The following C1orf198 variants were observed in gnomAD, a reference collection of about 807,000 sequenced individuals.
C1orf198 encodes the protein uncharacterized protein C1orf198.
C1orf198 carries 17 observed loss-of-function variants against 31.4 expected under a neutral mutation model. That is an observed-to-expected ratio of 0.54 (90% CI 0.37 to 0.81). The LOEUF is 0.81. Ranked by LOEUF, C1orf198 falls within the 40% of genes least tolerant of loss-of-function variation. C1orf198 has a pLI of 0.00. For synonymous variants in C1orf198, 175 were observed against 193.8 expected (o/e 0.90, Z 0.81); for missense variants, 401 against 450.3 (o/e 0.89, Z 0.99).
intron 2 of C1orf198, among the ~76,000 whole-genome samples, chr1:230,853,179 T>C (rs1307499068): frequency 1.3e-5 from 2 of 152,144 alleles, no homozygotes; most frequent in African/African-American, 4.8e-5. Flanking sequence ...GCTCCGATCA[T>C]TGACCCACAC....
chr1:230,865,835 C>T (rs1179767055), intron 1 of C1orf198, among the ~76,000 whole-genome samples: 2 of 152,194 alleles, frequency 1.3e-5, no homozygotes, highest in Non-Finnish European at 2.9e-5. Context: ...CATTTGGAGG[C>T]TGTATTTGCA....
chr1:230,859,884 C>T, intron 1 of C1orf198, among the ~76,000 whole-genome samples: 1 of 152,138 alleles, frequency 6.6e-6, no homozygotes, highest in East Asian at 1.9e-4. Flanking sequence ...TACATGTTTG[C>T]ATCATATCGC....
chr1:230,851,715 C>T (rs1314094224), intron 2 of C1orf198, among the ~76,000 whole-genome samples: 2 of 152,182 alleles, frequency 1.3e-5, no homozygotes, highest in African/African-American at 4.8e-5. Context: ...ACAGAGGCAC[C>T]ACAGCCACGA....
chr1:230,847,659 T>TTTCTGAG (rs1266296058), intron 2 of C1orf198, among the ~76,000 whole-genome samples: 20 of 152,246 alleles, frequency 1.3e-4, no homozygotes, highest in African/African-American at 4.6e-4. Context: ...TAAAGGACTG[T>TTTCTGAG]TTCTGAGTGG....
In C1orf198 at chr1:230,840,054, G is replaced by A. The variant is rs1558134540; in HGVS notation, c.928-146C>T. 2 of 651,408 alleles carry A rather than the reference G, an allele frequency of 3.1e-6. No homozygotes were observed. The highest frequency in any genetic ancestry group is 2.1e-5 in the South Asian group (1 of 48,300). The allele number at this position is 651,408 out of a possible 1,614,324, so 40.4% of individuals were successfully genotyped here. A position where few individuals can be genotyped will look rare whatever the true frequency, so the allele number is the denominator to read the frequency against. ...TTCCCTGACCTCAATTTATCTCAGT[G>A]CTTGAAATCAGAAGATTAAATACAG... On this transcript the variant is annotated intron_variant, in intron 3 of 3. Coordinates refer to ENST00000366663, the MANE Select transcript of C1orf198 (RefSeq NM_032800.3). This position sits in a 1 kb window ranked among gnomAD's most constrained non-coding sequence, Gnocchi z 4.0.
At position 230,838,036 on chromosome 1, in the gene C1orf198, A is replaced by C. The variant is rs1299277626; in HGVS notation, c.*1816T>G. 6.6e-6 allele frequency: 1 copy of C among 152,206 alleles called. No homozygotes were observed. Among genetic ancestry groups the C allele is most frequent in the Non-Finnish European group, 1.5e-5 (1 of 68,048 alleles). 9.4% of individuals were successfully genotyped at this position (152,206 alleles called of 1,614,324 possible). On this transcript the variant is annotated 3_prime_UTR_variant, in exon 4 of 4. Coordinates refer to ENST00000366663, the MANE Select transcript of C1orf198 (RefSeq NM_032800.3). The surrounding 1 kb of genome is among the most constrained non-coding windows in gnomAD (Gnocchi z 4.2). ...ACAGAATACAAACTCATACATATAC[A>C]TTTGCTACCATAGGTTCTACAACAG... is the stretch of plus-strand genomic sequence containing the variant.
In C1orf198 at chr1:230,839,348, GCT is replaced by G. The variant is rs1301589645; in HGVS notation, c.*502_*503del. On this transcript the variant is annotated 3_prime_UTR_variant, in exon 4 of 4. Coordinates refer to ENST00000366663, the MANE Select transcript of C1orf198 (RefSeq NM_032800.3). The stretch of plus-strand genomic sequence containing the variant: ...AGAGAAGCCCCGGACAGCTGCGAGC[GCT>G]GGCTGAGAACGTCGCTGGGGGCCAG... The G allele has an allele frequency of 6.2e-6, 1 of 162,402 alleles. No individual in the cohort carries two copies. Among genetic ancestry groups the G allele is most frequent in the African/African-American group, 2.4e-5 (1 of 41,486 alleles). The allele number at this position is 162,402 out of a possible 1,614,324, so 10.1% of individuals were successfully genotyped here. A position where few individuals can be genotyped will look rare whatever the true frequency, so the allele number is the denominator to read the frequency against.
chr1:230,863,791 C>G (rs1009602182), intron 1 of C1orf198, among the ~76,000 whole-genome samples: 2 of 152,210 alleles, frequency 1.3e-5, no homozygotes, highest in Non-Finnish European at 2.9e-5. Flanking sequence ...CATCTCAACT[C>G]CTGCCCAGGG....
At chr1:230,845,160 T>C (rs574809614) in intron 2 of C1orf198, among the ~76,000 whole-genome samples, 5 of 150,772 alleles carry the variant, frequency 3.3e-5, no homozygotes, top group African/African-American at 1.2e-4. Context: ...TGAGCCCAGT[T>C]TGAGACCAGC....
Position 230,843,239 on chromosome 1 carries a change from G to T in C1orf198, c.927+115C>A. The T allele has an allele frequency of 8.2e-7, 1 of 1,214,996 alleles. No individual in the cohort carries two copies. The allele number at this position is 1,214,996 out of a possible 1,614,324, so 75.3% of individuals were successfully genotyped here. Reference sequence around the variant, plus strand: ...ATCCTCTGAGGAAGAGGCAGGGGAAGGAGAAGAAAAAGAGCATGGGCACCT... The same window carrying T: ...ATCCTCTGAGGAAGAGGCAGGGGAATGAGAAGAAAAAGAGCATGGGCACCT... On this transcript the variant is annotated intron_variant, in intron 3 of 3. Coordinates refer to ENST00000366663, the MANE Select transcript of C1orf198 (RefSeq NM_032800.3). The surrounding 1 kb of genome is among the most constrained non-coding windows in gnomAD (Gnocchi z 4.9).
chr1:230,850,204 C>T (rs539147335), intron 2 of C1orf198, among the ~76,000 whole-genome samples: 17 of 152,346 alleles, frequency 1.1e-4, no homozygotes, highest in African/African-American at 1.7e-4. Flanking sequence ...TGCTTCCTAA[C>T]GGTAACAGGG....
rs762949137 is a variant in C1orf198, at chr1:230,843,541, G to C, written c.740C>G (p.Thr247Ser). Residue 247 changes from threonine to serine, a missense_variant, in exon 3 of 4, where the codon ACC becomes AGC. Transcript: ENST00000366663. The surrounding 1 kb of genome is among the most constrained non-coding windows in gnomAD (Gnocchi z 4.9). ...DREAKVERPS[T>S]LRQEQRPLPN... ...AAGAGGACGCTGCTCCTGACGGAGG[G>C]TGCTGGGCCTTTCCACCTTGGCCTC... 75 of 1,613,336 alleles carry C rather than the reference G, an allele frequency of 4.6e-5. No individual in the cohort carries two copies. The highest frequency in any genetic ancestry group is 6.0e-5 in the Non-Finnish European group (71 of 1,179,614).
intron 2 of C1orf198, among the ~76,000 whole-genome samples, chr1:230,850,258 A>T (rs572441380): frequency 6.6e-6 from 1 of 152,370 alleles, no homozygotes; most frequent in East Asian, 1.9e-4. Context: ...AGAGCCCAGC[A>T]CTGGGCTTAG....
intron 1 of C1orf198, among the ~76,000 whole-genome samples, chr1:230,865,974 C>T (rs1330225942): frequency 2.0e-5 from 3 of 152,208 alleles, no homozygotes; most frequent in Non-Finnish European, 4.4e-5. Flanking sequence ...CCCAGGACCA[C>T]ATCAGAAGAC....
At chr1:230,842,499 T>G in intron 3 of C1orf198, among the ~76,000 whole-genome samples, 1 of 152,142 alleles carries the variant, frequency 6.6e-6, no homozygotes, top group African/African-American at 2.4e-5. Flanking sequence ...GAATGGAAAA[T>G]CAAACATCAT....
chr1:230,845,216 T>TAAAAAAAAAA (rs11355270), intron 2 of C1orf198, among the ~76,000 whole-genome samples: 3 of 117,074 alleles, frequency 2.6e-5, no homozygotes, highest in South Asian at 2.7e-4. Context: ...TTAAAAAAAT[T>TAAAAAAAAAA]AAAAAAAAAA....
intron 2 of C1orf198, among the ~76,000 whole-genome samples, chr1:230,847,102 CAAA>C (rs71179741): frequency 7.6e-4 from 53 of 69,682 alleles, no homozygotes; most frequent in African/African-American, 4.4e-3. Context: ...GACTCCGTCT[CAAA>C]AAAAAAAAAA....
chr1:230,847,339 C>A (rs111483031), intron 2 of C1orf198, among the ~76,000 whole-genome samples: 1 of 151,926 alleles, frequency 6.6e-6, no homozygotes, highest in Non-Finnish European at 1.5e-5. Flanking sequence ...TGGTTAAAGA[C>A]AATGTAGATT....
chr1:230,843,538 A>T lies in C1orf198; in HGVS notation c.743T>A (p.Leu248His), dbSNP rs1418576960. ...REAKVERPST[L>H]RQEQRPLPNV... ...GGGAAGAGGACGCTGCTCCTGACGG[A>T]GGGTGCTGGGCCTTTCCACCTTGGC... is the stretch of plus-strand genomic sequence containing the variant. Residue 248 changes from leucine (L) to histidine (H), a missense_variant, in exon 3 of 4, where the codon CTC becomes CAC. Physicochemically the swap from Leu to His is moderately conservative, Grantham distance 99 (BLOSUM62 -3). Transcript: ENST00000366663. This position sits in a 1 kb window ranked among gnomAD's most constrained non-coding sequence, Gnocchi z 4.9. The T allele has an allele frequency of 6.2e-7, 1 of 1,612,376 alleles. No homozygotes were observed. The highest frequency in any genetic ancestry group is 8.5e-7 in the Non-Finnish European group (1 of 1,178,832).
Sources: allele counts gnomAD v4.1 joint callset (sites outside exome capture counted in the v4.1 genomes callset), GRCh38; gene constraint gnomAD v4.1.1; non-coding constraint Gnocchi (gnomAD v3.1); transcripts MANE v1.5; gene names NCBI Gene and HGNC (gene_info 2026-07-23, HGNC 2026-07-21).